CTBS: variants seen among roughly 807,000 people sequenced by gnomAD.
CTBS encodes the protein chitobiase.
In CTBS, 35 loss-of-function variants were observed where a neutral mutation model predicts 44.3. The observed-to-expected ratio is 0.79, with a 90% CI of 0.60 to 1.05. The LOEUF is 1.05. Among genes scored for constraint, CTBS ranks in the 50% least tolerant of loss-of-function variants. The pLI, the probability that CTBS is intolerant of heterozygous loss-of-function variation, is 0.00. For missense variants in CTBS, 458 were observed against 475.3 expected (o/e 0.96, Z 0.34); for synonymous variants, 143 against 168.0 (o/e 0.85, Z 1.15).
At chr1:84,567,121 G>A (rs971732477) in intron 3 of CTBS, among the ~76,000 whole-genome samples, 11 of 152,042 alleles carry the variant, frequency 7.2e-5, no homozygotes, top group Non-Finnish European at 1.2e-4. Context: ...AGATACTTTA[G>A]GTAACATTTT....
intron 2 of CTBS, among the ~76,000 whole-genome samples, chr1:84,570,353 G>A (rs990722139): frequency 3.9e-5 from 6 of 152,134 alleles, no homozygotes; most frequent in African/African-American, 1.4e-4. Context: ...TTAAGTAAAG[G>A]TCATAAGGCT....
rs564954863 is a variant in CTBS at position 84,573,029 on chromosome 1, C to T, written c.177+1210G>A. ...CTACTGTCCCCACTGCCTCTACCAC[C>T]GCGCTGGGCCTCAGATTGTATAAAA... On this transcript the variant is annotated intron_variant, in intron 1 of 6. Coordinates refer to ENST00000370630, the MANE Select transcript of CTBS (RefSeq NM_004388.3). Among the ~76,000 whole-genome samples, 26 of 152,252 alleles carry T rather than the reference C, an allele frequency of 1.7e-4. No individual in the cohort carries two copies. In the South Asian group the frequency reaches 2.3e-3, roughly 13 times the overall value.
At chr1:84,574,202 G>A in intron 1 of CTBS, 37 bp downstream of exon 1, 1 of 1,592,544 alleles carries the variant, frequency 6.3e-7, no homozygotes, top group Non-Finnish European at 8.5e-7. Flanking sequence ...TTCGTGCCCT[G>A]AAGCCCAGAC....
In CTBS at chr1:84,574,268, G is replaced by T; in HGVS notation, c.148C>A (p.Arg50Ser). The T allele has an allele frequency of 6.2e-7, 1 of 1,600,296 alleles. No homozygotes were observed. The highest frequency in any genetic ancestry group is 8.5e-7 in the Non-Finnish European group (1 of 1,174,626). Residue 50 changes from arginine (R) to serine (S), a missense_variant, in exon 1 of 7, where the codon CGC becomes AGC. Arg to Ser is a moderately radical substitution (Grantham distance 110). Coordinates refer to ENST00000370630, the MANE Select transcript of CTBS (RefSeq NM_004388.3). The part of the protein sequence containing the change: ...DCPCPEPELC[R>S]PIRHHPDFEV... ...AAATCTGGATGGTGGCGAATCGGGC[G>T]GCAGAGCTCAGGCTCCGGGCATGGG...
chr1:84,565,697 A>G (rs1014869551), intron 4 of CTBS, 144 bp downstream of exon 4: 11 of 364,152 alleles, frequency 3.0e-5, no homozygotes, highest in Admixed American at 5.0e-5. Context: ...AAAGCTTTCA[A>G]TTAAGTGATT....
intron 1 of CTBS, among the ~76,000 whole-genome samples, chr1:84,572,437 TAA>T (rs563827329): frequency 5.0e-5 from 7 of 141,164 alleles, no homozygotes; most frequent in African/African-American, 7.8e-5. Flanking sequence ...CAGATATCCT[TAA>T]AAAAAAAAAA....
chr1:84,570,677 T>A lies in CTBS; in HGVS notation c.221A>T (p.Asp74Val). The A allele has an allele frequency of 6.2e-7, 1 of 1,613,968 alleles. No individual in the cohort carries two copies. The highest frequency in any genetic ancestry group is 8.5e-7 in the Non-Finnish European group (1 of 1,179,862). ...TGCCACAGTTGTAATCTGTGACCAATCATAAGATTTCCAAGTTTTCTGTCC... is the reference window on the plus strand; with the variant it reads ...TGCCACAGTTGTAATCTGTGACCAAACATAAGATTTCCAAGTTTTCTGTCC... ...DVGQKTWKSY[D>V]WSQITTVATF... The change falls in exon 2 of 7, where the codon GAT becomes GTT. Residue 74 changes from aspartate to valine, a missense_variant. Transcript: ENST00000370630.
rs1647405282 is a variant in CTBS, at chr1:84,574,330, G to A, written c.86C>T (p.Ala29Val). 2 of 1,566,752 alleles carry A rather than the reference G, an allele frequency of 1.3e-6. No homozygotes were observed. Among genetic ancestry groups the A allele is most frequent in the Non-Finnish European group, 1.7e-6 (2 of 1,156,272 alleles). Reference protein sequence around the residue: ...VPGLALLALLALLALRLAAGT... With the variant: ...VPGLALLALLVLLALRLAAGT... ...GGCCGCGAGCCGCAGCGCCAGCAGC[G>A]CCAGCAGCGCCAGCAGCGCTAGACC... The change falls in exon 1 of 7, where the codon GCG (alanine) becomes GTG (valine). Residue 29 changes from alanine (A) to valine (V), a missense_variant. Ala to Val is a moderately conservative substitution (Grantham distance 64, BLOSUM62 0). Coordinates refer to ENST00000370630, the MANE Select transcript of CTBS (RefSeq NM_004388.3).
At position 84,552,948 on chromosome 1, in the gene CTBS, T is replaced by C; in HGVS notation, c.*2051A>G. The C allele has an allele frequency of 1.2e-6, 1 of 852,640 alleles. No individual in the cohort carries two copies. Among genetic ancestry groups the C allele is most frequent in the Non-Finnish European group, 1.8e-6 (1 of 553,602 alleles). The allele number at this position is 852,640 out of a possible 1,614,324, so 52.8% of individuals were successfully genotyped here. On this transcript the variant is annotated 3_prime_UTR_variant, in exon 7 of 7. Coordinates refer to ENST00000370630, the MANE Select transcript of CTBS (RefSeq NM_004388.3). ...AATGAGAGAAGACAGTTAAAGCGGT[T>C]ACAAAAACCCTGTTTACATGACAAC...
chr1:84,573,591 C>A (rs970216795), intron 1 of CTBS, among the ~76,000 whole-genome samples: 19 of 152,170 alleles, frequency 1.2e-4, no homozygotes, highest in African/African-American at 4.1e-4. Flanking sequence ...TTGAATTAAG[C>A]CTTTGGACCT....
rs1460130511 is a variant in CTBS, at chr1:84,574,402, T to A, written c.14A>T (p.Gln5Leu). ...AGAGACGAGGCGCCAGCGTCGAAGC[T>A]GCGGCCGGGACATAGCAGCAGGTCT... MSRP[Q>L]LRRWRLVSSP... is the part of the protein sequence containing the mutation. Residue 5 changes from glutamine to leucine, a missense_variant, in exon 1 of 7, where the codon CAG becomes CTG. Physicochemically the swap from Gln to Leu is moderately radical, Grantham distance 113. Transcript: ENST00000370630. The A allele has an allele frequency of 7.1e-6, 11 of 1,553,858 alleles. No individual in the cohort carries two copies. The highest frequency in any genetic ancestry group is 9.6e-6 in the Non-Finnish European group (11 of 1,151,096).
chr1:84,550,623 G>A lies in CTBS; in HGVS notation c.*4376C>T, dbSNP rs1684241522. 1.5e-6 allele frequency: 2 copies of A among 1,339,770 alleles called. No individual in the cohort carries two copies. Among genetic ancestry groups the A allele is most frequent in the Non-Finnish European group, 9.6e-7 (1 of 1,038,274 alleles). 83.0% of individuals were successfully genotyped at this position (1,339,770 alleles called of 1,614,324 possible). The stretch of plus-strand genomic sequence containing the variant: ...AACTTTGGGTGTCAATAATATAAGG[G>A]TAGCCAGGATTGACTGTATTAAAAT... On this transcript the variant is annotated 3_prime_UTR_variant, in exon 7 of 7. Transcript: ENST00000370630.
At position 84,573,832 on chromosome 1, in the gene CTBS, T is replaced by TAAAG. The variant is rs1647384364; in HGVS notation, c.177+406_177+407insCTTT. ...AGAAAACTAAAGGTAAGCAAAATACTCTGCATTCTAATGTACTGTTGGAGT... is the reference window on the plus strand; with the variant it reads ...AGAAAACTAAAGGTAAGCAAAATACTAAAGCTGCATTCTAATGTACTGTTGGAGT... On this transcript the variant is annotated intron_variant, in intron 1 of 6. Transcript: ENST00000370630. 4 of 995,714 alleles carry TAAAG rather than the reference T, an allele frequency of 4.0e-6. No individual in the cohort carries two copies. The Admixed American group carries it at 2.3e-4, about 57-fold the overall frequency. The allele number at this position is 995,714 out of a possible 1,614,324, so 61.7% of individuals were successfully genotyped here. A position where few individuals can be genotyped will look rare whatever the true frequency, so the allele number is the denominator to read the frequency against.
At chr1:84,572,130 A>G (rs1190386013) in intron 1 of CTBS, among the ~76,000 whole-genome samples, 1 of 152,208 alleles carries the variant, frequency 6.6e-6, no homozygotes, top group Non-Finnish European at 1.5e-5. Context: ...ATGCATTACA[A>G]AAGAGATCAC....
At chr1:84,566,978 CTT>C (rs1034163725) in intron 3 of CTBS, among the ~76,000 whole-genome samples, 1 of 152,150 alleles carries the variant, frequency 6.6e-6, no homozygotes, top group African/African-American at 2.4e-5. Context: ...GAATGTGTCT[CTT>C]TATGTTTATT....
Position 84,574,387 on chromosome 1 carries a change from C to G in CTBS, c.29G>C (p.Arg10Pro), listed in dbSNP as rs115347546. 3.2e-6 allele frequency: 5 copies of G among 1,558,360 alleles called. No homozygotes were observed. Among genetic ancestry groups the G allele is most frequent in the Non-Finnish European group, 4.3e-6 (5 of 1,152,952 alleles). Residue 10 changes from arginine to proline, a missense_variant, in exon 1 of 7, where the codon CGC becomes CCC. Physicochemically the swap from Arg to Pro is moderately radical, Grantham distance 103. Coordinates refer to ENST00000370630, the MANE Select transcript of CTBS (RefSeq NM_004388.3). ...GCCGCTCGGCGGGCTAGAGACGAGG[C>G]GCCAGCGTCGAAGCTGCGGCCGGGA... MSRPQLRRW[R>P]LVSSPPSGVP...
intron 6 of CTBS, among the ~76,000 whole-genome samples, chr1:84,558,896 G>A (rs1014571504): frequency 2.0e-5 from 3 of 151,114 alleles, no homozygotes; most frequent in Admixed American, 6.6e-5. Context: ...GCAAAACCTC[G>A]TCTAAAAAAA....
chr1:84,574,112 A>C lies in CTBS; in HGVS notation c.177+127T>G, dbSNP rs769842756. 1,009 of 1,493,598 alleles carry C rather than the reference A, an allele frequency of 6.8e-4. 1 individual carries two copies. Among genetic ancestry groups the C allele is most frequent in the Non-Finnish European group, 8.6e-4 (965 of 1,120,402 alleles). The allele number at this position is 1,493,598 out of a possible 1,614,324, so 92.5% of individuals were successfully genotyped here. A position where few individuals can be genotyped will look rare whatever the true frequency, so the allele number is the denominator to read the frequency against. ...ATAAATTGAAGGATCCGTAAACAGG[A>C]AGGCCCTCATCGAGTGGTCAAAGCT... On this transcript the variant is annotated intron_variant, in intron 1 of 6. Transcript: ENST00000370630.
Position 84,574,290 on chromosome 1 carries a change from T to A in CTBS, c.126A>T (p.Pro42=). Residue 42 remains proline (P), a synonymous_variant, in exon 1 of 7, where the codon CCA becomes CCT. Coordinates refer to ENST00000370630, the MANE Select transcript of CTBS (RefSeq NM_004388.3). ...GGCGGCAGAGCTCAGGCTCCGGGCA[T>A]GGGCAGTCGGTCCCGGCCGCGAGCC... ...ALRLAAGTDC[P]CPEPELCRPI... is the part of the protein sequence containing the mutation. The A allele has an allele frequency of 6.3e-7, 1 of 1,580,704 alleles. No homozygotes were observed. The highest frequency in any genetic ancestry group is 1.8e-5 in the Admixed American group (1 of 54,766).
Sources: gnomAD v4.1 joint callset for allele counts (sites outside exome capture counted in the v4.1 genomes callset) on GRCh38, gnomAD v4.1.1 for gene constraint, MANE v1.5 for transcripts, NCBI Gene and HGNC (gene_info 2026-07-23, HGNC 2026-07-21) for gene names.